ZNF782: variants seen among roughly 807,000 people sequenced by gnomAD.
The protein encoded by ZNF782 is zinc finger protein 782.
ZNF782 carries 12 observed loss-of-function variants against 13.0 expected under a neutral mutation model. The observed-to-expected ratio is 0.92, with a 90% CI of 0.59 to 1.50. The LOEUF (loss-of-function observed/expected upper bound fraction) is 1.50. ZNF782 is among the 40% of genes most tolerant of loss of function. The pLI is 0.00. For synonymous variants in ZNF782, 284 were observed against 283.0 expected (o/e 1.00, Z -0.04); for missense variants, 770 against 822.9 (o/e 0.94, Z 0.79).
chr9:96,824,115 A>C (rs985516487), intron 5 of ZNF782, among the ~76,000 whole-genome samples: 4 of 151,704 alleles, frequency 2.6e-5, no homozygotes, highest in African/African-American at 9.7e-5. Context: ...AGAGAATTTT[A>C]GACCAATATC....
intron 3 of ZNF782, among the ~76,000 whole-genome samples, chr9:96,847,832 A>G (rs931526769): frequency 6.6e-6 from 1 of 152,190 alleles, no homozygotes; most frequent in Non-Finnish European, 1.5e-5. Context: ...TGAAGCCAGT[A>G]TCACCCTGAT....
upstream of ZNF782, chr9:96,875,726 T>G (rs888240558): frequency 5.1e-6 from 2 of 394,840 alleles, no homozygotes; most frequent in Admixed American, 5.9e-5. Flanking sequence ...GTTCTCACCC[T>G]CTGAATCACA....
At chr9:96,833,216 T>C (rs993214390) in intron 4 of ZNF782, among the ~76,000 whole-genome samples, 1 of 152,200 alleles carries the variant, frequency 6.6e-6, no homozygotes, top group African/African-American at 2.4e-5. Flanking sequence ...CTACCAGTTT[T>C]CTCATATAAC....
chr9:96,878,819 G>C (rs73654630), upstream of ZNF782, among the ~76,000 whole-genome samples: 12,072 of 152,176 alleles, frequency 0.079, 1,445 homozygotes, highest in African/African-American at 0.26. Context: ...GAATTGTGCA[G>C]TTAAAATGTG....
Position 96,849,416 on chromosome 9 carries a change from G to T in ZNF782, c.15+2531C>A, listed in dbSNP as rs1036852612. Among the ~76,000 whole-genome samples, 6 of 152,158 alleles carry T rather than the reference G, an allele frequency of 3.9e-5. 1 individual carries two copies. In the East Asian group the frequency reaches 7.7e-4, roughly 20 times the overall value. ...AGACCACGTGGCCCTGTGGATTGGG[G>T]ACTCCTGTCCTATTTAATAAATGGT... On this transcript the variant is annotated intron_variant, in intron 3 of 5. Coordinates refer to ENST00000481138, the MANE Select transcript of ZNF782 (RefSeq NM_001001662.3).
chr9:96,882,440 T>C, the ZNF782 span, among the ~76,000 whole-genome samples: 1 of 152,202 alleles, frequency 6.6e-6, no homozygotes, highest in Non-Finnish European at 1.5e-5. Flanking sequence ...AGGCATTTCT[T>C]TTTTAAAATA....
At chr9:96,880,310 G>A (rs571663210), upstream of ZNF782, among the ~76,000 whole-genome samples, 6 of 152,100 alleles carry the variant, frequency 3.9e-5, no homozygotes, top group Admixed American at 3.3e-4. Flanking sequence ...AGGATTCCCA[G>A]TACTATGTTG....
At chr9:96,837,295 C>A (rs1851032600) in intron 4 of ZNF782, among the ~76,000 whole-genome samples, 1 of 152,190 alleles carries the variant, frequency 6.6e-6, no homozygotes, top group Non-Finnish European at 1.5e-5. Flanking sequence ...TTATGTACTT[C>A]AAGTAATTTG....
intron 4 of ZNF782, among the ~76,000 whole-genome samples, chr9:96,843,182 T>G (rs1205067214): frequency 6.6e-6 from 1 of 152,100 alleles, no homozygotes; most frequent in Non-Finnish European, 1.5e-5. Context: ...AATCCAACAA[T>G]CACACTCCAT....
chr9:96,856,490 T>C (rs985905486), upstream of ZNF782, among the ~76,000 whole-genome samples: 1 of 152,216 alleles, frequency 6.6e-6, no homozygotes, highest in Non-Finnish European at 1.5e-5. Flanking sequence ...GAGAGAGCAG[T>C]CCTGCATGCG....
At chr9:96,837,146 T>C (rs1330414228) in intron 4 of ZNF782, among the ~76,000 whole-genome samples, 1 of 152,250 alleles carries the variant, frequency 6.6e-6, no homozygotes, top group Non-Finnish European at 1.5e-5. Flanking sequence ...CCCACACTCA[T>C]CTTGTACATT....
At chr9:96,834,559 T>G (rs1850923600) in intron 4 of ZNF782, among the ~76,000 whole-genome samples, 1 of 152,212 alleles carries the variant, frequency 6.6e-6, no homozygotes, top group Admixed American at 6.5e-5. Context: ...ACACTCTTGC[T>G]TCCATGCAAT....
At chr9:96,892,608 CCT>C in the ZNF782 span, 1 of 152,192 alleles carries the variant, frequency 6.6e-6, no homozygotes, top group Non-Finnish European at 1.5e-5. Context: ...ATCTGAGGCT[CCT>C]GTTTCACACT....
chr9:96,875,753 GAA>G (rs1015434564), upstream of ZNF782: 6 of 368,294 alleles, frequency 1.6e-5, no homozygotes, highest in African/African-American at 4.2e-5. Flanking sequence ...ATTCTCACTA[GAA>G]GTTGACAGGC....
At chr9:96,837,602 T>A (rs1424689726) in intron 4 of ZNF782, among the ~76,000 whole-genome samples, 1 of 152,234 alleles carries the variant, frequency 6.6e-6, no homozygotes, top group African/African-American at 2.4e-5. Flanking sequence ...TTTAGTTTCT[T>A]AAGACGTGAA....
At chr9:96,844,704 A>C (rs1392571316) in intron 4 of ZNF782, among the ~76,000 whole-genome samples, 186 bp downstream of exon 4, 2 of 152,198 alleles carry the variant, frequency 1.3e-5, no homozygotes, top group South Asian at 4.1e-4. Flanking sequence ...AAACTCATTG[A>C]TTTGTACACT....
At chr9:96,911,215 G>A in the ZNF782 span, among the ~76,000 whole-genome samples, 2 of 143,748 alleles carry the variant, frequency 1.4e-5, no homozygotes, top group Non-Finnish European at 3.0e-5. Context: ...CGAGGCGGGC[G>A]GATCACGAGG....
At chr9:96,884,069 C>T in the ZNF782 span, among the ~76,000 whole-genome samples, 8 of 152,238 alleles carry the variant, frequency 5.3e-5, no homozygotes, top group Non-Finnish European at 2.9e-5. Context: ...TACCCTCTAC[C>T]CTGTGGAAGC....
At chr9:96,903,336 C>G in the ZNF782 span, among the ~76,000 whole-genome samples, 7 of 151,856 alleles carry the variant, frequency 4.6e-5, no homozygotes, top group African/African-American at 1.7e-4. Flanking sequence ...TTCTTTCACT[C>G]AGAATGTTAC....
Sources: allele counts gnomAD v4.1 joint callset (sites outside exome capture counted in the v4.1 genomes callset), GRCh38; gene constraint gnomAD v4.1.1; transcripts MANE v1.5; gene names NCBI Gene and HGNC (gene_info 2026-07-23, HGNC 2026-07-21).